Variants in PRKD3 observed in about 807,000 individuals in gnomAD.
PRKD3 encodes serine/threonine-protein kinase D3.
Under a neutral mutation model 99.2 loss-of-function variants are expected in PRKD3, and 47 were observed. The observed-to-expected ratio is 0.47, with a 90% CI of 0.38 to 0.60. PRKD3 has a LOEUF of 0.60. Among genes scored for constraint, PRKD3 ranks in the 20% least tolerant of loss-of-function variants. PRKD3 has a pLI of 0.00. For synonymous variants in PRKD3, 392 were observed against 355.4 expected (o/e 1.10, Z -1.16); for missense variants, 1,019 against 1,088.4 (o/e 0.94, Z 0.90).
Position 37,250,666 on chromosome 2 carries a change from A to ATACT in PRKD3, c.*2507_*2510dup, listed in dbSNP as rs1264586256. 3.3e-5 allele frequency: 5 copies of ATACT among 152,082 alleles called. No homozygotes were observed. The highest frequency in any genetic ancestry group is 1.3e-4 in the Admixed American group (2 of 15,216). 9.4% of individuals were successfully genotyped at this position (152,082 alleles called of 1,614,324 possible). A position where few individuals can be genotyped will look rare whatever the true frequency, so the allele number is the denominator to read the frequency against. On this transcript the variant is annotated 3_prime_UTR_variant, in exon 19 of 19. Coordinates refer to ENST00000234179, the MANE Select transcript of PRKD3 (RefSeq NM_005813.6). ...ACAACCAGGTCAAACTTTTCTTTGG[A>ATACT]TACTTATACTAGAAATAGGCTCAGG...
intron 2 of PRKD3, among the ~76,000 whole-genome samples, chr2:37,306,353 A>C (rs914171369): frequency 6.6e-6 from 1 of 152,206 alleles, no homozygotes; most frequent in African/African-American, 2.4e-5. Context: ...TTAATCAGTA[A>C]AAACACATTC....
chr2:37,265,500 C>G lies in PRKD3; in HGVS notation c.1884+1930G>C, dbSNP rs544631528. ...TTCATCTTTATACTACACACACACA[C>G]ACACACAAACACACACACAGAGTGG... On this transcript the variant is annotated intron_variant, in intron 14 of 18. Transcript: ENST00000234179. Among the ~76,000 whole-genome samples the G allele has an allele frequency of 2.0e-5, 3 of 152,136 alleles. No individual in the cohort carries two copies. In the South Asian group the frequency reaches 6.2e-4, roughly 32 times the overall value.
At chr2:37,278,094 C>T (rs977926383) in intron 8 of PRKD3, 105 bp from the exon 9 acceptor site, 17 of 903,132 alleles carry the variant, frequency 1.9e-5, no homozygotes, top group Non-Finnish European at 2.5e-5. Context: ...TAAAATTTTT[C>T]AAAATATCTT....
rs544351069 is a variant in PRKD3 at position 37,286,268 on chromosome 2, T to C, written c.819A>G (p.Thr273=). The C allele has an allele frequency of 8.7e-6, 14 of 1,614,020 alleles. No individual in the cohort carries two copies. The African/African-American group carries it at 1.5e-4, about 17-fold the overall frequency. Residue 273 remains threonine (T), a synonymous_variant, in exon 6 of 19, where the codon ACA becomes ACG. Coordinates refer to ENST00000234179, the MANE Select transcript of PRKD3 (RefSeq NM_005813.6). ...MVMCRVKVPH[T]FAVHSYTRPT... ...GACGGGTGTAAGAGTGAACAGCAAA[T>C]GTGTGTGGAACTTTCACTCTGCACA...
chr2:37,291,634 G>T (rs748149153), intron 3 of PRKD3, among the ~76,000 whole-genome samples: 2 of 152,240 alleles, frequency 1.3e-5, no homozygotes, highest in Admixed American at 6.5e-5. Context: ...GGAGGGCAAG[G>T]ATTGGGAAAT....
intron 2 of PRKD3, among the ~76,000 whole-genome samples, chr2:37,310,093 A>G (rs1340715480): frequency 6.6e-6 from 1 of 152,212 alleles, no homozygotes; most frequent in East Asian, 1.9e-4. Flanking sequence ...CTACAGAGAA[A>G]ACAGATTTTG....
rs1298423584 is a variant in PRKD3, at chr2:37,279,891, C to A, written c.1027G>T (p.Asp343Tyr). The A allele has an allele frequency of 1.9e-6, 3 of 1,612,480 alleles. No homozygotes were observed. The highest frequency in any genetic ancestry group is 2.5e-6 in the Non-Finnish European group (3 of 1,179,244). The change falls in exon 8 of 19, where the codon GAT becomes TAT. Residue 343 changes from aspartate (D) to tyrosine (Y), a missense_variant. Coordinates refer to ENST00000234179, the MANE Select transcript of PRKD3 (RefSeq NM_005813.6). Reference sequence around the variant, plus strand: ...CTATTTATGTCATTATTGTCAATATCCATTGGTATATCTGTATCTGTTCCC... The same window carrying A: ...CTATTTATGTCATTATTGTCAATATACATTGGTATATCTGTATCTGTTCCC... ...SLGTDTDIPM[D>Y]IDNNDINSDS...
At chr2:37,267,589 G>A (rs879311310) in intron 13 of PRKD3, 53 bp from the exon 14 acceptor site, 73 of 1,298,406 alleles carry the variant, frequency 5.6e-5, no homozygotes, top group Non-Finnish European at 8.1e-5. Context: ...AGCTTTATTA[G>A]GGAGTTGTCC....
chr2:37,294,862 G>C (rs1670604710), intron 2 of PRKD3, among the ~76,000 whole-genome samples: 2 of 152,160 alleles, frequency 1.3e-5, no homozygotes, highest in African/African-American at 4.8e-5. Flanking sequence ...ATCATTTGAG[G>C]TCAGGAGTTT....
intron 17 of PRKD3, 141 bp from the exon 18 acceptor site, chr2:37,254,430 A>G: frequency 1.6e-6 from 1 of 637,962 alleles, no homozygotes. Context: ...CTTTTAGCTA[A>G]CATGTAAAAT....
At chr2:37,263,089 A>G (rs553880889) in intron 14 of PRKD3, among the ~76,000 whole-genome samples, 2 of 151,546 alleles carry the variant, frequency 1.3e-5, no homozygotes, top group Non-Finnish European at 2.9e-5. Flanking sequence ...CTTTAGGTTT[A>G]TTTTATTGTT....
chr2:37,287,471 T>C (rs932833586), intron 5 of PRKD3, among the ~76,000 whole-genome samples: 5 of 151,964 alleles, frequency 3.3e-5, no homozygotes, highest in Non-Finnish European at 7.4e-5. Flanking sequence ...GTTGAACATA[T>C]TAATGTAGAA....
At chr2:37,285,339 G>C (rs1670040010) in intron 6 of PRKD3, among the ~76,000 whole-genome samples, 2 of 152,228 alleles carry the variant, frequency 1.3e-5, no homozygotes. Context: ...AATTATTCCA[G>C]TATGCTGTTA....
At chr2:37,302,964 C>T (rs566971221) in intron 2 of PRKD3, among the ~76,000 whole-genome samples, 1 of 152,276 alleles carries the variant, frequency 6.6e-6, no homozygotes, top group African/African-American at 2.4e-5. Context: ...CTGATTGGTT[C>T]TTTCTAAATG....
At chr2:37,324,605 G>C (rs893273290) in intron 1 of PRKD3, 76 bp downstream of exon 1, 1 of 143,936 alleles carries the variant, frequency 6.9e-6, no homozygotes, top group South Asian at 2.2e-4. Flanking sequence ...CCGACGGGCC[G>C]GGAGAACAAA....
chr2:37,269,752 T>C (rs1176290470), intron 12 of PRKD3, 65 bp from the exon 13 acceptor site: 1 of 1,162,330 alleles, frequency 8.6e-7, no homozygotes, highest in Non-Finnish European at 1.3e-6. Flanking sequence ...CATCTCTGAC[T>C]TTCTTCATCC....
intron 2 of PRKD3, among the ~76,000 whole-genome samples, chr2:37,305,991 C>T (rs570273605): frequency 4.6e-5 from 7 of 151,942 alleles, no homozygotes; most frequent in African/African-American, 1.2e-4. Flanking sequence ...AGAATAGCAA[C>T]TACAACCCAG....
intron 2 of PRKD3, among the ~76,000 whole-genome samples, chr2:37,299,511 TACACACACACACACACACAC>T (rs70949749): frequency 4.3e-4 from 57 of 132,494 alleles, no homozygotes; most frequent in Non-Finnish European, 6.9e-4. Flanking sequence ...TCTACTAAAA[TACACACACACACACACACAC>T]ACACACACAC....
At chr2:37,320,520 C>T (rs1009830183) in intron 1 of PRKD3, among the ~76,000 whole-genome samples, 4 of 149,424 alleles carry the variant, frequency 2.7e-5, no homozygotes, top group African/African-American at 7.4e-5. Flanking sequence ...CAGCCTCCGC[C>T]TCCCGGGTTC....
Sources: allele counts gnomAD v4.1 joint callset (sites outside exome capture counted in the v4.1 genomes callset), GRCh38; gene constraint gnomAD v4.1.1; transcripts MANE v1.5; gene names NCBI Gene and HGNC (gene_info 2026-07-23, HGNC 2026-07-21).